The following PPIL6 variants were observed in gnomAD, a reference collection of about 807,000 sequenced individuals.
PPIL6 encodes peptidylprolyl isomerase like 6, also known as probable inactive peptidyl-prolyl cis-trans isomerase-like 6.
In PPIL6, 39 loss-of-function variants were observed where a neutral mutation model predicts 36.8. The ratio of observed to expected loss-of-function variants is 1.06; its 90% CI spans 0.82 to 1.38. The LOEUF is 1.38. Ranked by LOEUF, PPIL6 falls within the 40% of genes most tolerant of loss-of-function variation. The pLI, the probability that PPIL6 is intolerant of heterozygous loss-of-function variation, is 0.00. For synonymous variants in PPIL6, 123 were observed against 134.1 expected, an observed-to-expected ratio of 0.92 and a Z score of 0.57; for missense variants, 368 against 379.1, an observed-to-expected ratio of 0.97 and a Z score of 0.24.
At chr6:109,396,319 T>C (rs1465297256) in intron 7 of PPIL6, among the ~76,000 whole-genome samples, 1 of 152,176 alleles carries the variant, frequency 6.6e-6, no homozygotes, top group Non-Finnish European at 1.5e-5. Flanking sequence ...TCGCTCACAA[T>C]GTAAAATTCT....
intron 1 of PPIL6, among the ~76,000 whole-genome samples, chr6:109,436,809 C>T (rs1475841852): frequency 1.3e-5 from 2 of 152,218 alleles, no homozygotes; most frequent in Admixed American, 6.5e-5. Flanking sequence ...CTCTGGCACA[C>T]AGCAGCTGAA....
At chr6:109,411,622 G>A (rs924595698) in intron 6 of PPIL6, among the ~76,000 whole-genome samples, 9 of 152,130 alleles carry the variant, frequency 5.9e-5, no homozygotes, top group African/African-American at 2.2e-4. Flanking sequence ...TAGAACCTTG[G>A]ATAGTTATCT....
intron 5 of PPIL6, among the ~76,000 whole-genome samples, chr6:109,423,301 A>G (rs1205323744): frequency 6.6e-6 from 1 of 152,124 alleles, no homozygotes; most frequent in East Asian, 1.9e-4. Flanking sequence ...CCAGAGGTGG[A>G]GGTTGCAGTG....
Position 109,431,324 on chromosome 6 carries a change from C to T in PPIL6, c.253G>A (p.Glu85Lys), listed in dbSNP as rs1774142965. Residue 85 changes from glutamate (E) to lysine (K), a missense_variant, in exon 3 of 8, where the codon GAA becomes AAA. Physicochemically the swap from Glu to Lys is moderately conservative, Grantham distance 56 (BLOSUM62 1). Transcript: ENST00000521072. ...KKRELKNETWEYSSSVISFVN... is the reference protein window; with the variant it reads ...KKRELKNETWKYSSSVISFVN... ...AAAGAAATCACAGAGGAAGAATATT[C>T]CCAGGTTTCATTTTTGAGTTCCTGT... 6.3e-7 allele frequency: 1 copy of T among 1,593,730 alleles called. No individual in the cohort carries two copies. The highest frequency in any genetic ancestry group is 8.5e-7 in the Non-Finnish European group (1 of 1,171,612).
chr6:109,431,551 A>G (rs1368107596), intron 2 of PPIL6, among the ~76,000 whole-genome samples: 1 of 152,184 alleles, frequency 6.6e-6, no homozygotes, highest in Non-Finnish European at 1.5e-5. Context: ...GACATCACTA[A>G]AAGTAAAGAA....
At chr6:109,410,210 G>A (rs1582546986) in intron 6 of PPIL6, among the ~76,000 whole-genome samples, 1 of 152,278 alleles carries the variant, frequency 6.6e-6, no homozygotes, top group East Asian at 1.9e-4. Context: ...TCTTCTTCCT[G>A]ATTATAATAC....
At chr6:109,426,703 CATT>C in intron 5 of PPIL6, 141 bp downstream of exon 5, 3 of 467,092 alleles carry the variant, frequency 6.4e-6, no homozygotes, top group Non-Finnish European at 1.1e-5. Context: ...TATCTTACTT[CATT>C]ATTTGGCTAT....
At chr6:109,403,120 G>A (rs1472997684) in intron 6 of PPIL6, 2 of 1,480,070 alleles carry the variant, frequency 1.4e-6, no homozygotes, top group East Asian at 2.5e-5. Context: ...TAAAATTAAA[G>A]AGCTATAATT....
In PPIL6 at chr6:109,413,787, A is replaced by G. The variant is rs1460232212; in HGVS notation, c.688+5400T>C. On this transcript the variant is annotated intron_variant, in intron 6 of 7. Coordinates refer to ENST00000521072, the MANE Select transcript of PPIL6 (RefSeq NM_173672.5). This position sits in a 1 kb window ranked among gnomAD's most constrained non-coding sequence, Gnocchi z 4.6. ...AATGGAATACTATTCAGCCATAAAA[A>G]AGAATGAGATCCAGTCATTTGCAAC... 6.6e-6 allele frequency among the ~76,000 whole-genome samples: 1 copy of G among 152,258 alleles called. No individual in the cohort carries two copies. The highest frequency in any genetic ancestry group is 2.4e-5 in the African/African-American group (1 of 41,474).
chr6:109,400,265 C>A, intron 6 of PPIL6, 95 bp from the exon 7 acceptor site: 1 of 954,392 alleles, frequency 1.0e-6, no homozygotes, highest in South Asian at 2.1e-5. Context: ...TGGTAACACT[C>A]TCAATCATAT....
intron 6 of PPIL6, among the ~76,000 whole-genome samples, chr6:109,401,785 C>T (rs897212046): frequency 7.5e-5 from 10 of 134,030 alleles, no homozygotes; most frequent in Admixed American, 3.0e-4. Flanking sequence ...AGTGCAGTGG[C>T]GCGGTCTTGG....
chr6:109,400,030 C>G lies in PPIL6; in HGVS notation c.824+5G>C. 1 of 1,605,722 alleles carries G rather than the reference C, an allele frequency of 6.2e-7. No homozygotes were observed. Among genetic ancestry groups the G allele is most frequent in the South Asian group, 1.1e-5 (1 of 90,460 alleles). ...ATTATATAAATAGATCTACAATATA[C>G]ATACCCAAAAGCCACAAATTTTCTA... On this transcript the variant is annotated splice_donor_5th_base_variant and intron_variant, in intron 7 of 7. Transcript: ENST00000521072.
chr6:109,420,287 C>T (rs1204173298), intron 5 of PPIL6, among the ~76,000 whole-genome samples: 2 of 126,602 alleles, frequency 1.6e-5, no homozygotes, highest in Admixed American at 1.0e-4. Context: ...GAGCTGAGAT[C>T]GCACCACTGC....
chr6:109,415,869 T>C (rs1773229714), intron 6 of PPIL6, among the ~76,000 whole-genome samples: 1 of 152,182 alleles, frequency 6.6e-6, no homozygotes, highest in Non-Finnish European at 1.5e-5. Context: ...TTTGATGCCT[T>C]TGGTGTTGAA....
At chr6:109,399,066 C>T (rs895233751) in intron 7 of PPIL6, among the ~76,000 whole-genome samples, 1 of 151,704 alleles carries the variant, frequency 6.6e-6, no homozygotes, top group Non-Finnish European at 1.5e-5. Flanking sequence ...GCTGGGACTA[C>T]AGGCACACAC....
intron 5 of PPIL6, among the ~76,000 whole-genome samples, chr6:109,424,826 C>A (rs1336238098): frequency 3.9e-5 from 6 of 152,150 alleles, no homozygotes; most frequent in Non-Finnish European, 7.4e-5. Context: ...AGGAAGTTAC[C>A]CTGTATGGTC....
chr6:109,414,120 A>C (rs988372816), intron 6 of PPIL6, among the ~76,000 whole-genome samples: 5 of 152,206 alleles, frequency 3.3e-5, no homozygotes, highest in Non-Finnish European at 7.3e-5. Context: ...ATTGGATTGT[A>C]ACACACAGAA....
intron 6 of PPIL6, among the ~76,000 whole-genome samples, chr6:109,412,576 G>T (rs1043486261): frequency 1.4e-4 from 22 of 152,084 alleles, no homozygotes; most frequent in Non-Finnish European, 2.4e-4. Context: ...AGAGAACCCA[G>T]AAACAAATCC....
In PPIL6 at chr6:109,392,869, A is replaced by G; in HGVS notation, c.893T>C (p.Ile298Thr). 1 of 1,607,172 alleles carries G rather than the reference A, an allele frequency of 6.2e-7. No individual in the cohort carries two copies. The highest frequency in any genetic ancestry group is 8.5e-7 in the Non-Finnish European group (1 of 1,174,506). ...ACTGTCAGTAATTCTACACATATGT[A>G]TTGGTCTTTCATTCTGTGTTGGAAC... ...ELVPTQNERP[I>T]HMCRITDSGD... is the part of the protein sequence containing the mutation. The change falls in exon 8 of 8, where the codon ATA (isoleucine) becomes ACA (threonine). Residue 298 changes from isoleucine (I) to threonine (T), a missense_variant. Ile to Thr is a moderately conservative substitution (Grantham distance 89). Coordinates refer to ENST00000521072, the MANE Select transcript of PPIL6 (RefSeq NM_173672.5).
Sources: allele counts gnomAD v4.1 joint callset (sites outside exome capture counted in the v4.1 genomes callset), GRCh38; gene constraint gnomAD v4.1.1; non-coding constraint Gnocchi (gnomAD v3.1); transcripts MANE v1.5; gene names NCBI Gene and HGNC (gene_info 2026-07-23, HGNC 2026-07-21).